The following MED13 variants were observed in gnomAD, a reference collection of about 807,000 sequenced individuals.
MED13 encodes the protein mediator complex subunit 13.
In MED13, 23 loss-of-function variants were observed where a neutral mutation model predicts 225.2. The ratio of observed to expected loss-of-function variants is 0.10; its 90% CI spans 0.07 to 0.14. MED13 has a LOEUF of 0.14. MED13 is among the 10% of genes least tolerant of loss of function. The pLI, the probability that MED13 is intolerant of heterozygous loss-of-function variation, is 1.00. For missense variants in MED13, 2,197 were observed against 2,594.5 expected, an observed-to-expected ratio of 0.85 and a Z score of 3.33; for synonymous variants, 942 against 889.2, an observed-to-expected ratio of 1.06 and a Z score of -1.06.
chr17:61,982,055 C>A, intron 16 of MED13, 143 bp downstream of exon 16: 1 of 717,016 alleles, frequency 1.4e-6, no homozygotes, highest in Non-Finnish European at 2.2e-6. Context: ...GAAATTCTCC[C>A]TTTAAAAACA....
intron 3 of MED13, among the ~76,000 whole-genome samples, chr17:62,045,807 C>T (rs563578589): frequency 6.6e-6 from 1 of 152,302 alleles, no homozygotes; most frequent in East Asian, 1.9e-4. Context: ...TACTCTTACA[C>T]TTGCGGGATT....
At chr17:62,063,652 C>A (rs2081059188) in intron 1 of MED13, among the ~76,000 whole-genome samples, 1 of 152,188 alleles carries the variant, frequency 6.6e-6, no homozygotes, top group Non-Finnish European at 1.5e-5. Flanking sequence ...TGGTGTCAAA[C>A]TTTTAACTGA....
chr17:62,010,951 C>T lies in MED13; in HGVS notation c.1566G>A (p.Met522Ile). Residue 522 changes from methionine (M) to isoleucine (I), a missense_variant, in exon 9 of 30, where the codon ATG (methionine) becomes ATA (isoleucine). By Grantham distance (10) the Met-to-Ile change is conservative (BLOSUM62 1). Coordinates refer to ENST00000397786, the MANE Select transcript of MED13 (RefSeq NM_005121.3). ...RTNDVAKTPQMHGTEMANSPQ... is the reference protein window; with the variant it reads ...RTNDVAKTPQIHGTEMANSPQ... ...GTGAATTTGCCATTTCGGTGCCATG[C>T]ATCTGAGGAGTCTTTGCTACATCAT... 1 of 1,612,804 alleles carries T rather than the reference C, an allele frequency of 6.2e-7. No homozygotes were observed. The highest frequency in any genetic ancestry group is 8.5e-7 in the Non-Finnish European group (1 of 1,178,868).
At chr17:61,959,813 C>G (rs1422478434) in intron 23 of MED13, among the ~76,000 whole-genome samples, 1 of 150,648 alleles carries the variant, frequency 6.6e-6, no homozygotes, top group African/African-American at 2.4e-5. Context: ...ACTGCAGCCT[C>G]GACTTCCTGG....
intron 3 of MED13, among the ~76,000 whole-genome samples, chr17:62,037,237 A>C (rs2080811430): frequency 6.6e-6 from 1 of 152,124 alleles, no homozygotes; most frequent in Non-Finnish European, 1.5e-5. Context: ...TGGGCGACAG[A>C]GTAAGACTGT....
At chr17:62,028,479 C>G (rs896943067) in intron 8 of MED13, among the ~76,000 whole-genome samples, 1 of 152,066 alleles carries the variant, frequency 6.6e-6, no homozygotes, top group South Asian at 2.1e-4. Flanking sequence ...ATAATCTATA[C>G]AGCAAACCCT....
intron 25 of MED13, 52 bp downstream of exon 25, chr17:61,955,628 A>C: frequency 6.4e-7 from 1 of 1,559,788 alleles, no homozygotes; most frequent in Non-Finnish European, 8.6e-7. Context: ...ATAATACTTA[A>C]AAACTTAACT....
At position 62,029,704 on chromosome 17, in the gene MED13, C is replaced by T. The variant is rs1480372514; in HGVS notation, c.1173-53G>A. The T allele has an allele frequency of 1.8e-5, 28 of 1,550,386 alleles. No homozygotes were observed. The South Asian group carries it at 2.6e-4, about 14-fold the overall frequency. ...AAAATTCATAAAATTTTCTATCAAACCTCAATGTAGCATTGAAATTAATTT... is the reference window on the plus strand; with the variant it reads ...AAAATTCATAAAATTTTCTATCAAATCTCAATGTAGCATTGAAATTAATTT... On this transcript the variant is annotated intron_variant, in intron 7 of 29. Transcript: ENST00000397786.
chr17:61,971,346 G>A (rs1011864818), intron 17 of MED13, among the ~76,000 whole-genome samples: 2 of 148,438 alleles, frequency 1.3e-5, no homozygotes, highest in Non-Finnish European at 3.0e-5. Flanking sequence ...GCGCGATCTC[G>A]GCTCATGGCA....
intron 10 of MED13, among the ~76,000 whole-genome samples, chr17:61,993,713 T>C (rs2080322512): frequency 6.6e-6 from 1 of 151,700 alleles, no homozygotes; most frequent in African/African-American, 2.4e-5. Flanking sequence ...GCGGATCACT[T>C]GAGGTCAGCA....
intron 8 of MED13, among the ~76,000 whole-genome samples, chr17:62,028,992 CG>C (rs1251697804): frequency 3.9e-5 from 6 of 151,946 alleles, no homozygotes; most frequent in African/African-American, 1.5e-4. Flanking sequence ...CCCCTCTCTA[CG>C]AATTTTTTTT....
intron 8 of MED13, among the ~76,000 whole-genome samples, chr17:62,011,769 C>T (rs2080511807): frequency 2.0e-5 from 3 of 152,148 alleles, no homozygotes; most frequent in African/African-American, 7.2e-5. Context: ...TCACACCATA[C>T]CTACCTTCTC....
chr17:62,027,325 G>A (rs1366228886), intron 8 of MED13, among the ~76,000 whole-genome samples: 1 of 152,152 alleles, frequency 6.6e-6, no homozygotes, highest in African/African-American at 2.4e-5. Context: ...ACAAAAACAA[G>A]CAATGGGGAA....
At chr17:62,056,501 G>A (rs149005217) in intron 2 of MED13, among the ~76,000 whole-genome samples, 3 of 152,306 alleles carry the variant, frequency 2.0e-5, no homozygotes, top group South Asian at 2.1e-4. Context: ...AATGACTCAT[G>A]CCTGTAATCC....
At chr17:62,055,877 G>A (rs1318855907) in intron 2 of MED13, among the ~76,000 whole-genome samples, 2 of 152,022 alleles carry the variant, frequency 1.3e-5, no homozygotes, top group African/African-American at 4.8e-5. Flanking sequence ...TAATCTTGAA[G>A]CATTTCTCCC....
chr17:62,052,537 C>A lies in MED13; in HGVS notation c.470G>T (p.Ser157Ile). 3 of 1,562,298 alleles carry A rather than the reference C, an allele frequency of 1.9e-6. No homozygotes were observed. Among genetic ancestry groups the A allele is most frequent in the Non-Finnish European group, 2.6e-6 (3 of 1,153,488 alleles). Reference protein sequence around the residue: ...YEKDEKPINKSEHLSCSFTFF... With the variant: ...YEKDEKPINKIEHLSCSFTFF... ...CACGTCAGAATTTAAGATAGCTTAC[C>A]TTTTATTTATAGGTTTTTCATCTTT... Residue 157 changes from serine (S) to isoleucine (I), a missense_variant and splice_region_variant, in exon 3 of 30, where the codon AGT becomes ATT. By Grantham distance (142) the Ser-to-Ile change is moderately radical (BLOSUM62 -2). Transcript: ENST00000397786.
rs546449659 is a variant in MED13 at position 62,034,992 on chromosome 17, G to C, written c.616+471C>G. Among the ~76,000 whole-genome samples, 22 of 151,936 alleles carry C rather than the reference G, an allele frequency of 1.4e-4. No homozygotes were observed. The South Asian group carries it at 4.2e-3, about 29-fold the overall frequency. ...AAAAATTGGCCAGGCTTGGTGGAACGCGCCTGTAACCCCAGCTACTCAGGA... is the reference window on the plus strand; with the variant it reads ...AAAAATTGGCCAGGCTTGGTGGAACCCGCCTGTAACCCCAGCTACTCAGGA... On this transcript the variant is annotated intron_variant, in intron 4 of 29. Transcript: ENST00000397786.
intron 3 of MED13, among the ~76,000 whole-genome samples, chr17:62,043,327 CATT>C (rs887323881): frequency 1.3e-5 from 2 of 151,936 alleles, no homozygotes. Context: ...GTGACATCAT[CATT>C]TAAGATTTCA....
At chr17:62,017,029 A>G (rs916462286) in intron 8 of MED13, among the ~76,000 whole-genome samples, 5 of 149,698 alleles carry the variant, frequency 3.3e-5, no homozygotes, top group Non-Finnish European at 7.4e-5. Flanking sequence ...TATAATAATA[A>G]TAATAAATAA....
Sources: gnomAD v4.1 joint callset for allele counts (sites outside exome capture counted in the v4.1 genomes callset) on GRCh38, gnomAD v4.1.1 for gene constraint, MANE v1.5 for transcripts, NCBI Gene and HGNC (gene_info 2026-07-23, HGNC 2026-07-21) for gene names.